The following TNIK variants were observed in gnomAD, a reference collection of about 807,000 sequenced individuals.
TNIK encodes the protein TRAF2 and NCK interacting kinase.
A neutral mutation model predicts 191.3 loss-of-function variants in TNIK; 49 were observed. That is an observed-to-expected ratio of 0.26 (90% CI 0.20 to 0.32). The LOEUF (loss-of-function observed/expected upper bound fraction) is 0.32. Ranked by LOEUF, TNIK falls within the 10% of genes least tolerant of loss-of-function variation. The pLI is 1.00. For synonymous variants in TNIK, 594 were observed against 600.9 expected (o/e 0.99, Z 0.17); for missense variants, 1,155 against 1,702.3 (o/e 0.68, Z 5.66).
At chr3:171,187,161 T>TA (rs1393749310) in intron 7 of TNIK, among the ~76,000 whole-genome samples, 1 of 152,246 alleles carries the variant, frequency 6.6e-6, no homozygotes, top group Non-Finnish European at 1.5e-5. Flanking sequence ...TTGTTAGGTA[T>TA]AACTATGGTT....
intron 2 of TNIK, among the ~76,000 whole-genome samples, chr3:171,297,503 C>T (rs374181824): frequency 3.3e-5 from 5 of 152,114 alleles, no homozygotes; most frequent in South Asian, 2.1e-4. Context: ...CACATGATAA[C>T]GTCAAAATTG....
chr3:171,300,754 A>G (rs1477351265), intron 2 of TNIK, among the ~76,000 whole-genome samples: 1 of 152,190 alleles, frequency 6.6e-6, no homozygotes, highest in African/African-American at 2.4e-5. Flanking sequence ...ATGTTTTTCT[A>G]GACCTTCCTT....
chr3:171,202,229 G>A (rs1739507129), intron 4 of TNIK, among the ~76,000 whole-genome samples: 2 of 151,772 alleles, frequency 1.3e-5, no homozygotes, highest in African/African-American at 2.4e-5. Flanking sequence ...TTTTTGGTAG[G>A]AGTAAGTCAC....
intron 2 of TNIK, among the ~76,000 whole-genome samples, chr3:171,260,657 C>T (rs536864553): frequency 6.6e-6 from 1 of 152,322 alleles, no homozygotes; most frequent in Non-Finnish European, 1.5e-5. Flanking sequence ...ACAATGGTGG[C>T]TGCACCATCT....
Position 171,128,803 on chromosome 3 carries a change from G to T in TNIK, c.1684C>A (p.Pro562Thr), listed in dbSNP as rs768188856. The change falls in exon 16 of 33, where the codon CCC becomes ACC. Residue 562 changes from proline to threonine, a missense_variant. This residue lies in a region of TNIK where 735 missense variants were observed against 848.0 expected (regional missense o/e 0.87). Coordinates refer to ENST00000436636, the MANE Select transcript of TNIK (RefSeq NM_015028.4). ...PHKVANRISD[P>T]NLPPRSESFS... ...GACTCCGACCTTGGGGGCAGGTTGG[G>T]GTCAGATATCCTGTTGGCAACCTTG... 6.2e-7 allele frequency: 1 copy of T among 1,607,646 alleles called. No homozygotes were observed. Among genetic ancestry groups the T allele is most frequent in the Non-Finnish European group, 8.5e-7 (1 of 1,177,702 alleles).
At chr3:171,370,133 G>A (rs1182684466) in intron 1 of TNIK, among the ~76,000 whole-genome samples, 4 of 152,152 alleles carry the variant, frequency 2.6e-5, no homozygotes, top group African/African-American at 9.7e-5. Flanking sequence ...AAGGGTGTTC[G>A]TGCATTGTGG....
At chr3:171,112,557 T>C (rs543555229) in intron 18 of TNIK, among the ~76,000 whole-genome samples, 1 of 152,266 alleles carries the variant, frequency 6.6e-6, no homozygotes, top group African/African-American at 2.4e-5. Flanking sequence ...CTCAACTATA[T>C]TTTACTATTG....
intron 2 of TNIK, among the ~76,000 whole-genome samples, chr3:171,308,175 T>C (rs927028478): frequency 1.3e-5 from 2 of 152,126 alleles, no homozygotes; most frequent in African/African-American, 2.4e-5. Context: ...CTTCAAACTA[T>C]ACTACAGTGC....
intron 18 of TNIK, among the ~76,000 whole-genome samples, chr3:171,111,390 G>T (rs1441990905): frequency 6.6e-6 from 1 of 152,120 alleles, no homozygotes; most frequent in Admixed American, 6.5e-5. Context: ...ACTCCAGCCT[G>T]GGCAACAGAG....
chr3:171,148,790 A>G (rs1731997826), intron 12 of TNIK, among the ~76,000 whole-genome samples: 1 of 152,258 alleles, frequency 6.6e-6, no homozygotes. Context: ...CACAACCTGT[A>G]TTAATGCAGG....
At position 171,071,255 on chromosome 3, in the gene TNIK, G is replaced by C. The variant is rs1719137738; in HGVS notation, c.3517C>G (p.Pro1173Ala). ...GCCATGAATTTATGATACGGTTTAG[G>C]AGCCCAAGCATATATTTCCACAGCA... ...KNAVEIYAWAPKPYHKFMAFK... is the reference protein window; with the variant it reads ...KNAVEIYAWAAKPYHKFMAFK... Residue 1173 changes from proline to alanine, a missense_variant, in exon 29 of 33, where the codon CCT becomes GCT. By Grantham distance (27) the Pro-to-Ala change is conservative (BLOSUM62 -1). Transcript: ENST00000436636. The C allele has an allele frequency of 6.2e-7, 1 of 1,606,680 alleles. No homozygotes were observed.
At chr3:171,380,291 T>A (rs1717860741) in intron 1 of TNIK, among the ~76,000 whole-genome samples, 1 of 152,148 alleles carries the variant, frequency 6.6e-6, no homozygotes, top group Non-Finnish European at 1.5e-5. Context: ...GGAACCAGAC[T>A]AGCAAATATT....
intron 1 of TNIK, among the ~76,000 whole-genome samples, chr3:171,384,743 G>T (rs949401615): frequency 1.3e-5 from 2 of 152,178 alleles, no homozygotes; most frequent in Admixed American, 1.3e-4. Context: ...AGTAAAAATA[G>T]ATTAAAATAC....
intron 2 of TNIK, among the ~76,000 whole-genome samples, chr3:171,276,010 C>G (rs768540877): frequency 1.3e-5 from 2 of 151,978 alleles, no homozygotes; most frequent in African/African-American, 2.4e-5. Flanking sequence ...CAAGAGCAAG[C>G]CTGAAGACTG....
chr3:171,173,398 A>C (rs1163686719), intron 9 of TNIK, among the ~76,000 whole-genome samples: 2 of 145,906 alleles, frequency 1.4e-5, no homozygotes, highest in Non-Finnish European at 3.0e-5. Context: ...TCCGTCTCAA[A>C]AAAAAAAAAA....
intron 1 of TNIK, among the ~76,000 whole-genome samples, chr3:171,414,420 T>A (rs1338005495): frequency 2.0e-5 from 3 of 152,238 alleles, no homozygotes; most frequent in African/African-American, 4.8e-5. Context: ...GATAATAGAC[T>A]GCATCTGTTT....
intron 1 of TNIK, among the ~76,000 whole-genome samples, chr3:171,452,093 G>A (rs776465227): frequency 2.0e-5 from 3 of 152,098 alleles, no homozygotes; most frequent in Non-Finnish European, 4.4e-5. Flanking sequence ...GTCTAAATCC[G>A]GGTATCCAGC....
intron 2 of TNIK, among the ~76,000 whole-genome samples, chr3:171,272,892 C>T (rs1301758375): frequency 1.3e-4 from 20 of 152,148 alleles, no homozygotes; most frequent in Admixed American, 1.3e-3. Context: ...GGTCAGGTTT[C>T]CCTGATTGTA....
rs185140674 is a variant in TNIK, at chr3:171,147,942, C to A, written c.1222-7433G>T. 2.6e-5 allele frequency among the ~76,000 whole-genome samples: 4 copies of A among 152,194 alleles called. No homozygotes were observed. In the East Asian group the frequency reaches 7.7e-4, roughly 29 times the overall value. The stretch of plus-strand genomic sequence containing the variant: ...AATGCTTTTTAAAGTTGCCATTTTC[C>A]CCTCTTTCTATCTTTACTTGTTACC... On this transcript the variant is annotated intron_variant, in intron 12 of 32. Transcript: ENST00000436636.
Sources: gnomAD v4.1 joint callset for allele counts (sites outside exome capture counted in the v4.1 genomes callset) on GRCh38, gnomAD v4.1.1 for gene constraint, gnomAD v4.1.1 regional missense constraint, MANE v1.5 for transcripts, NCBI Gene and HGNC (gene_info 2026-07-23, HGNC 2026-07-21) for gene names.